The following TPTE2 variants were observed in gnomAD, a reference collection of about 807,000 sequenced individuals.
TPTE2 encodes the protein phosphatidylinositol 3,4,5-trisphosphate 3-phosphatase TPTE2.
A neutral mutation model predicts 78.6 loss-of-function variants in TPTE2; 53 were observed. The ratio of observed to expected loss-of-function variants is 0.67; its 90% CI spans 0.54 to 0.85. TPTE2 has a LOEUF of 0.85. TPTE2 is among the 40% of genes least tolerant of loss of function. The pLI is 0.00. For synonymous variants in TPTE2, 175 were observed against 206.2 expected, an observed-to-expected ratio of 0.85 and a Z score of 1.30; for missense variants, 461 against 623.0, an observed-to-expected ratio of 0.74 and a Z score of 2.77.
chr13:19,512,637 G>A (rs1166643555), intron 1 of TPTE2, among the ~76,000 whole-genome samples: 1 of 151,248 alleles, frequency 6.6e-6, no homozygotes, highest in Non-Finnish European at 1.5e-5. Flanking sequence ...GCAGTGCAGT[G>A]GCGCTGTCTC....
chr13:19,504,630 A>G (rs557606731), upstream of TPTE2, among the ~76,000 whole-genome samples: 2 of 152,198 alleles, frequency 1.3e-5, no homozygotes, highest in South Asian at 2.1e-4. Flanking sequence ...TGTGCCTGCT[A>G]CTAAGGGTGA....
chr13:19,473,788 G>T (rs1879771662), intron 6 of TPTE2, 126 bp downstream of exon 9: 3 of 804,774 alleles, frequency 3.7e-6, no homozygotes, highest in African/African-American at 1.9e-5. Context: ...TAGAGACGGG[G>T]TTTCACCATG....
chr13:19,465,659 T>C, intron 7 of TPTE2, 95 bp from the exon 11 acceptor site: 3 of 1,049,194 alleles, frequency 2.9e-6, no homozygotes, highest in Non-Finnish European at 2.7e-6. Flanking sequence ...CCAGAGGCAA[T>C]TTTCCCTCCT....
In TPTE2 at chr13:19,454,703, T is replaced by C. The variant is rs192737213; in HGVS notation, c.742-3478A>G. 5.2e-3 allele frequency among the ~76,000 whole-genome samples: 798 copies of C among 152,298 alleles called. 4 individuals carry two copies. The highest frequency in any genetic ancestry group is 7.5e-3 in the Non-Finnish European group (507 of 68,030). On this transcript the variant is annotated intron_variant, in intron 10 of 19. Transcript: ENST00000400230. ...AAGGAGATAACAGTTTAATAACTGA[T>C]AGAAACCAAGAGTCTAGAGATCACC...
chr13:19,448,072 A>G (rs570018341), intron 13 of TPTE2, among the ~76,000 whole-genome samples: 23 of 152,328 alleles, frequency 1.5e-4, no homozygotes, highest in African/African-American at 5.5e-4. Context: ...CAAGAATCCA[A>G]GATGGGGAAA....
At chr13:19,537,596 TTTTTTTG>T (rs1871285049), upstream of TPTE2, among the ~76,000 whole-genome samples, 1 of 151,252 alleles carries the variant, frequency 6.6e-6, no homozygotes, top group Non-Finnish European at 1.5e-5. Context: ...GACAGAAGTG[TTTTTTTG>T]TTTTTTGTTT....
chr13:19,459,111 T>C (rs1878726027), intron 10 of TPTE2, among the ~76,000 whole-genome samples: 1 of 152,162 alleles, frequency 6.6e-6, no homozygotes. Context: ...ATAATAGCCA[T>C]TCTGACTGGC....
chr13:19,471,331 G>A (rs1401614532), intron 6 of TPTE2, among the ~76,000 whole-genome samples: 1 of 152,038 alleles, frequency 6.6e-6, no homozygotes, highest in Admixed American at 6.6e-5. Context: ...TTGTTTTCTG[G>A]TTGTTTTGGG....
chr13:19,477,296 T>TA (rs879889075), intron 4 of TPTE2, among the ~76,000 whole-genome samples: 3,729 of 141,406 alleles, frequency 0.026, 64 homozygotes, highest in Middle Eastern at 0.087. Flanking sequence ...AATAATATGT[T>TA]AAAAAAAAAA....
At chr13:19,445,027 C>G (rs1877737762) in intron 13 of TPTE2, among the ~76,000 whole-genome samples, 1 of 152,082 alleles carries the variant, frequency 6.6e-6, no homozygotes, top group African/African-American at 2.4e-5. Context: ...GTAAAATGTC[C>G]TTTAAACTCA....
intron 3 of TPTE2, among the ~76,000 whole-genome samples, chr13:19,482,828 A>C (rs1425945394): frequency 1.3e-5 from 2 of 150,786 alleles, no homozygotes; most frequent in Non-Finnish European, 3.0e-5. Flanking sequence ...TATATAAAAG[A>C]ATATGTATAC....
the TPTE2 span, among the ~76,000 whole-genome samples, chr13:19,552,224 T>C: frequency 1.1e-4 from 17 of 152,342 alleles, no homozygotes; most frequent in African/African-American, 4.1e-4. Context: ...AATTGAAGTA[T>C]AATCTCATAC....
At chr13:19,526,718 T>C (rs957759942) in intron 1 of TPTE2, among the ~76,000 whole-genome samples, 1 of 148,906 alleles carries the variant, frequency 6.7e-6, no homozygotes, top group Non-Finnish European at 1.5e-5. Context: ...GAACCTAAAA[T>C]AAAAGTTAAA....
chr13:19,435,748 C>T (rs1195081834), intron 15 of TPTE2, among the ~76,000 whole-genome samples: 8 of 119,932 alleles, frequency 6.7e-5, no homozygotes, highest in African/African-American at 2.1e-4. Flanking sequence ...CCACAACACA[C>T]AGAAAAGACA....
intron 13 of TPTE2, chr13:19,438,477 A>C (rs1040260965): frequency 8.1e-5 from 79 of 974,942 alleles, no homozygotes; most frequent in Middle Eastern, 1.1e-3. Context: ...AAAAAGAAAA[A>C]TTCCCACCTC....
At chr13:19,451,773 T>G (rs1878198944) in intron 10 of TPTE2, among the ~76,000 whole-genome samples, 1 of 151,826 alleles carries the variant, frequency 6.6e-6, no homozygotes, top group Non-Finnish European at 1.5e-5. Context: ...TTTGTTCTCT[T>G]TATTTTTTTA....
chr13:19,428,597 CAT>C (rs1385022125), intron 17 of TPTE2, among the ~76,000 whole-genome samples: 1 of 151,898 alleles, frequency 6.6e-6, no homozygotes, highest in Non-Finnish European at 1.5e-5. Context: ...GCCTGGGCAA[CAT>C]AGCAAGTCCC....
the TPTE2 span, among the ~76,000 whole-genome samples, chr13:19,559,589 T>C: frequency 0.099 from 14,867 of 150,560 alleles, 896 homozygotes; most frequent in Middle Eastern, 0.13. Flanking sequence ...AAAGGGAGCA[T>C]GGGCCTTTGC....
intron 6 of TPTE2, among the ~76,000 whole-genome samples, chr13:19,472,192 T>A (rs1166781479): frequency 9.9e-5 from 15 of 152,178 alleles, no homozygotes; most frequent in Admixed American, 9.8e-4. Flanking sequence ...AACTTTCTTG[T>A]ACTTGGATAT....
Sources: gnomAD v4.1 joint callset for allele counts (sites outside exome capture counted in the v4.1 genomes callset) on GRCh38, gnomAD v4.1.1 for gene constraint, MANE v1.5 for transcripts, NCBI Gene and HGNC (gene_info 2026-07-23, HGNC 2026-07-21) for gene names.